The following ADAM12 variants were observed in gnomAD, a reference collection of about 807,000 sequenced individuals.
ADAM12 encodes disintegrin and metalloproteinase domain-containing protein 12.
A neutral mutation model predicts 106.4 loss-of-function variants in ADAM12; 70 were observed. The ratio of observed to expected loss-of-function variants is 0.66; its 90% CI spans 0.54 to 0.80. ADAM12 has a LOEUF of 0.80. ADAM12 is among the 30% of genes least tolerant of loss of function. ADAM12 has a pLI of 0.00. For synonymous variants in ADAM12, 420 were observed against 433.5 expected (o/e 0.97, Z 0.39); for missense variants, 1,010 against 1,171.9 (o/e 0.86, Z 2.02).
chr10:126,243,660 T>C (rs1432983782), intron 3 of ADAM12, among the ~76,000 whole-genome samples: 2 of 152,242 alleles, frequency 1.3e-5, no homozygotes, highest in Non-Finnish European at 2.9e-5. Flanking sequence ...AAAGTGGTAT[T>C]CTTGCAGATA....
At chr10:126,103,227 A>T (rs1246710542) in intron 8 of ADAM12, among the ~76,000 whole-genome samples, 2 of 152,194 alleles carry the variant, frequency 1.3e-5, no homozygotes, top group Non-Finnish European at 2.9e-5. Flanking sequence ...ACTTAGTAGT[A>T]ATATAACAGA....
At chr10:126,246,317 G>A (rs993530282) in intron 3 of ADAM12, among the ~76,000 whole-genome samples, 13 of 152,138 alleles carry the variant, frequency 8.5e-5, no homozygotes, top group Non-Finnish European at 1.3e-4. Flanking sequence ...GTTGTAAAAT[G>A]CCCCAGATTT....
intron 2 of ADAM12, among the ~76,000 whole-genome samples, chr10:126,286,592 G>C (rs778973085): frequency 6.6e-6 from 1 of 152,172 alleles, no homozygotes; most frequent in Non-Finnish European, 1.5e-5. Flanking sequence ...TGAATATTTA[G>C]AGGCAATCTT....
chr10:126,125,774 A>C (rs1184628938), intron 5 of ADAM12, among the ~76,000 whole-genome samples: 1 of 151,932 alleles, frequency 6.6e-6, no homozygotes, highest in Non-Finnish European at 1.5e-5. Flanking sequence ...AAGGATCTCA[A>C]GATGAGATTG....
intron 8 of ADAM12, among the ~76,000 whole-genome samples, chr10:126,107,012 C>T (rs761639242): frequency 2.8e-4 from 43 of 152,310 alleles, no homozygotes; most frequent in Non-Finnish European, 4.6e-4. Flanking sequence ...CTCCTCCTGC[C>T]CTAGCTCTGC....
At chr10:126,069,578 G>C (rs1316947256) in intron 12 of ADAM12, among the ~76,000 whole-genome samples, 1 of 152,360 alleles carries the variant, frequency 6.6e-6, no homozygotes, top group East Asian at 1.9e-4. Flanking sequence ...GGGAGGATCA[G>C]AATATGAGTG....
intron 17 of ADAM12, among the ~76,000 whole-genome samples, chr10:126,045,643 A>T (rs1234858070): frequency 6.6e-6 from 1 of 152,248 alleles, no homozygotes; most frequent in Admixed American, 6.5e-5. Context: ...TGATTTCAAG[A>T]ACATGTGTTT....
rs1296469568 is a variant in ADAM12 at position 126,015,953 on chromosome 10, A to G, written c.*1326T>C. On this transcript the variant is annotated 3_prime_UTR_variant, in exon 23 of 23. Transcript: ENST00000448723. ...TGAAGAGTTCAAGGGGATGCTGCCC[A>G]AGCCAGCATCTCATAATATTTAGGA... The G allele has an allele frequency of 1.3e-5, 2 of 152,166 alleles. No homozygotes were observed. The highest frequency in any genetic ancestry group is 4.8e-5 in the African/African-American group (2 of 41,442). The allele number at this position is 152,166 out of a possible 1,614,324, so 9.4% of individuals were successfully genotyped here. A position where few individuals can be genotyped will look rare whatever the true frequency, so the allele number is the denominator to read the frequency against.
intron 14 of ADAM12, among the ~76,000 whole-genome samples, chr10:126,055,414 A>C (rs1460870245): frequency 4.6e-5 from 7 of 152,254 alleles, no homozygotes; most frequent in Non-Finnish European, 8.8e-5. Flanking sequence ...CTTTAAATGA[A>C]CGATACATTT....
intron 4 of ADAM12, among the ~76,000 whole-genome samples, chr10:126,141,978 A>G (rs1956520909): frequency 6.6e-6 from 1 of 152,186 alleles, no homozygotes; most frequent in South Asian, 2.1e-4. Context: ...CCCTGAATAG[A>G]TGGGGAAACC....
chr10:126,163,930 G>T (rs1362392313), intron 3 of ADAM12, among the ~76,000 whole-genome samples: 7 of 152,116 alleles, frequency 4.6e-5, no homozygotes, highest in Non-Finnish European at 7.3e-5. Context: ...AGAACTAGTT[G>T]GATCAATTAA....
intron 1 of ADAM12, among the ~76,000 whole-genome samples, chr10:126,360,267 GCTC>G (rs1441283909): frequency 3.9e-5 from 6 of 152,206 alleles, no homozygotes; most frequent in East Asian, 3.9e-4. Context: ...TTAACATTTG[GCTC>G]CTCATTACTT....
chr10:126,024,699 G>A (rs1161037672), intron 21 of ADAM12, among the ~76,000 whole-genome samples: 2 of 152,062 alleles, frequency 1.3e-5, no homozygotes, highest in Non-Finnish European at 1.5e-5. Flanking sequence ...AGGGGAGAAT[G>A]AGAAACCAGA....
At chr10:126,295,278 C>G (rs1484931185) in intron 2 of ADAM12, among the ~76,000 whole-genome samples, 4 of 152,144 alleles carry the variant, frequency 2.6e-5, no homozygotes, top group African/African-American at 9.7e-5. Context: ...GTGTCCCTCA[C>G]AGGTAAGTCA....
chr10:126,204,493 G>A (rs954926442), intron 3 of ADAM12, among the ~76,000 whole-genome samples: 3 of 152,158 alleles, frequency 2.0e-5, no homozygotes, highest in Non-Finnish European at 2.9e-5. Context: ...CTCTGGGTCA[G>A]GTATTCTGTT....
intron 2 of ADAM12, among the ~76,000 whole-genome samples, chr10:126,319,636 C>T (rs1854027722): frequency 6.6e-6 from 1 of 152,042 alleles, no homozygotes; most frequent in Non-Finnish European, 1.5e-5. Flanking sequence ...ATGTGAGGTC[C>T]CAGATGAACC....
At chr10:126,127,135 G>T (rs1956219496) in intron 5 of ADAM12, among the ~76,000 whole-genome samples, 1 of 152,184 alleles carries the variant, frequency 6.6e-6, no homozygotes, top group Admixed American at 6.5e-5. Context: ...CCCAGGGATG[G>T]CTCTCACAGG....
At position 126,118,214 on chromosome 10, in the gene ADAM12, C is replaced by T. The variant is rs2133621910; in HGVS notation, c.427G>A (p.Val143Met). 2 of 1,612,352 alleles carry T rather than the reference C, an allele frequency of 1.2e-6. No individual in the cohort carries two copies. The highest frequency in any genetic ancestry group is 4.5e-5 in the East Asian group (2 of 44,866). ...AAGACATAGCTTTCATTTTCAAACA[C>T]AATAAGTCCCCTGTTGAAAAAGAAA... ...STCSGLRGLI[V>M]FENESYVLEP... The change falls in exon 6 of 23, where the codon GTG becomes ATG. Residue 143 changes from valine (V) to methionine (M), a missense_variant. Val to Met is a conservative substitution (Grantham distance 21, BLOSUM62 1). Transcript: ENST00000448723.
chr10:126,047,869 A>G (rs1954369243), intron 16 of ADAM12, among the ~76,000 whole-genome samples: 1 of 152,242 alleles, frequency 6.6e-6, no homozygotes, highest in African/African-American at 2.4e-5. Context: ...ACTACTCACA[A>G]TAGCAAAGAC....
Sources: gnomAD v4.1 joint callset for allele counts (sites outside exome capture counted in the v4.1 genomes callset) on GRCh38, gnomAD v4.1.1 for gene constraint, MANE v1.5 for transcripts, NCBI Gene and HGNC (gene_info 2026-07-23, HGNC 2026-07-21) for gene names.